The following HIVEP2 variants were observed in gnomAD, a reference collection of about 807,000 sequenced individuals.
HIVEP2 encodes the protein transcription factor HIVEP2.
A neutral mutation model predicts 180.7 loss-of-function variants in HIVEP2; 14 were observed. The ratio of observed to expected loss-of-function variants is 0.08; its 90% CI spans 0.05 to 0.12. The LOEUF (loss-of-function observed/expected upper bound fraction) is 0.12. Ranked by LOEUF, HIVEP2 falls within the 10% of genes least tolerant of loss-of-function variation. The pLI is 1.00. For synonymous variants in HIVEP2, 1,184 were observed against 1,136.4 expected (o/e 1.04, Z -0.84); for missense variants, 2,579 against 3,008.5 (o/e 0.86, Z 3.34).
Position 142,771,181 on chromosome 6 carries a change from C to T in HIVEP2, c.3558G>A (p.Gln1186=), listed in dbSNP as rs1329878050. ...SYMTSKHLPE[Q]PHLFPHQETI... Reference sequence around the variant, plus strand: ...TCTCTTGATGTGGAAATAAGTGTGGCTGTTCAGGTAAGTGCTTGCTTGTCA... The same window carrying T: ...TCTCTTGATGTGGAAATAAGTGTGGTTGTTCAGGTAAGTGCTTGCTTGTCA... Residue 1186 remains glutamine, a synonymous_variant, in exon 5 of 10, where the codon CAG becomes CAA. Transcript: ENST00000367603. The surrounding 1 kb of genome is among the most constrained non-coding windows in gnomAD (Gnocchi z 5.4). 1 of 1,614,230 alleles carries T rather than the reference C, an allele frequency of 6.2e-7. No individual in the cohort carries two copies. The highest frequency in any genetic ancestry group is 1.6e-4 in the Middle Eastern group (1 of 6,062).
chr6:142,792,601 C>T (rs1331718794), intron 2 of HIVEP2, among the ~76,000 whole-genome samples: 1 of 152,086 alleles, frequency 6.6e-6, no homozygotes, highest in Admixed American at 6.6e-5. Context: ...AGGACAAATA[C>T]CTAAGCATGC....
rs550674904 is a variant in HIVEP2, at chr6:142,888,430, GA to G, written c.-640-51384del. 1.8e-3 allele frequency among the ~76,000 whole-genome samples: 271 copies of G among 152,178 alleles called. 1 individual carries two copies. Among genetic ancestry groups the G allele is most frequent in the Non-Finnish European group, 2.8e-3 (191 of 68,002 alleles). On this transcript the variant is annotated intron_variant, in intron 1 of 9. Coordinates refer to ENST00000367603, the MANE Select transcript of HIVEP2 (RefSeq NM_006734.4). ...ATATCAGCCACAGTGTCCAGCCACA[GA>G]TTCTGCTTTATTTTTAATTAAAAAA...
In HIVEP2 at chr6:142,760,600, C is replaced by T. The variant is rs762321587; in HGVS notation, c.5688G>A (p.Gln1896=). The T allele has an allele frequency of 1.2e-6, 2 of 1,613,664 alleles. No individual in the cohort carries two copies. Among genetic ancestry groups the T allele is most frequent in the Non-Finnish European group, 1.7e-6 (2 of 1,179,652 alleles). The change falls in exon 9 of 10, where the codon CAG becomes CAA. Residue 1896 remains glutamine (Q), a synonymous_variant. Coordinates refer to ENST00000367603, the MANE Select transcript of HIVEP2 (RefSeq NM_006734.4). ...HSMSSISTDH[Q]FSDAEESDGE... ...CATCTGATTCCTCAGCATCGGAGAA[C>T]TGATGATCAGTTGAAATGCTGGACA...
intron 1 of HIVEP2, among the ~76,000 whole-genome samples, chr6:142,889,160 A>T (rs1306190284): frequency 3.3e-5 from 5 of 152,194 alleles, no homozygotes; most frequent in Admixed American, 3.3e-4. Context: ...GAATGACAGG[A>T]CACTGCATTG....
At chr6:142,794,561 C>T (rs1362614684) in intron 2 of HIVEP2, among the ~76,000 whole-genome samples, 7 of 152,142 alleles carry the variant, frequency 4.6e-5, no homozygotes, top group Non-Finnish European at 8.8e-5. Flanking sequence ...ATTTTTGCTT[C>T]TCTAAGGAAC....
intron 1 of HIVEP2, among the ~76,000 whole-genome samples, chr6:142,879,498 G>T (rs1053087392): frequency 1.3e-5 from 2 of 152,098 alleles, no homozygotes; most frequent in African/African-American, 2.4e-5. Context: ...CACTAGCACT[G>T]CAAATTCAAC....
At chr6:142,875,461 T>C (rs531563427) in intron 1 of HIVEP2, among the ~76,000 whole-genome samples, 1 of 152,178 alleles carries the variant, frequency 6.6e-6, no homozygotes, top group South Asian at 2.1e-4. Flanking sequence ...GAGGGTATTA[T>C]ATAATTTATA....
intron 1 of HIVEP2, among the ~76,000 whole-genome samples, chr6:142,938,068 A>AAAG (rs1298397677): frequency 1.6e-4 from 25 of 152,342 alleles, no homozygotes; most frequent in Admixed American, 1.3e-3. Context: ...TTATAAACTG[A>AAAG]TAGAATATGA....
At chr6:142,876,927 T>C (rs1582933877) in intron 1 of HIVEP2, among the ~76,000 whole-genome samples, 2 of 152,192 alleles carry the variant, frequency 1.3e-5, no homozygotes, top group South Asian at 2.1e-4. Context: ...CATGGGCCTA[T>C]AGTCGCAGCT....
chr6:142,933,576 T>C (rs1777987524), intron 1 of HIVEP2, among the ~76,000 whole-genome samples: 1 of 152,238 alleles, frequency 6.6e-6, no homozygotes, highest in Admixed American at 6.5e-5. Context: ...TTTGTGAAGA[T>C]GTAAAATTTT....
chr6:142,760,705 C>G, intron 8 of HIVEP2, 38 bp from the exon 9 acceptor site: 1 of 1,470,564 alleles, frequency 6.8e-7, no homozygotes. Context: ...GATCAAGATC[C>G]AAATATCAAG....
At chr6:142,857,110 T>C (rs1371008641) in intron 1 of HIVEP2, among the ~76,000 whole-genome samples, 1 of 152,102 alleles carries the variant, frequency 6.6e-6, no homozygotes, top group Admixed American at 6.5e-5. Context: ...GTAACCCCAA[T>C]TTTAAAATCA....
At position 142,879,310 on chromosome 6, in the gene HIVEP2, A is replaced by G. The variant is rs573383299; in HGVS notation, c.-640-42263T>C. Among the ~76,000 whole-genome samples, 194 of 152,298 alleles carry G rather than the reference A, an allele frequency of 1.3e-3. 1 individual carries two copies. The highest frequency in any genetic ancestry group is 4.5e-3 in the African/African-American group (189 of 41,570). ...AGCACCAGCTAAGAGGCTGTAGTAG[A>G]CCAGGCATGATGAAGTAGAATCTTT... is the stretch of plus-strand genomic sequence containing the variant. On this transcript the variant is annotated intron_variant, in intron 1 of 9. Coordinates refer to ENST00000367603, the MANE Select transcript of HIVEP2 (RefSeq NM_006734.4).
chr6:142,785,823 C>G (rs569233658), intron 2 of HIVEP2, among the ~76,000 whole-genome samples: 1 of 152,264 alleles, frequency 6.6e-6, no homozygotes, highest in South Asian at 2.1e-4. Flanking sequence ...TCACTCATGA[C>G]CTTTTAAATG....
chr6:142,923,110 G>A (rs1218294123), intron 1 of HIVEP2, among the ~76,000 whole-genome samples: 1 of 152,134 alleles, frequency 6.6e-6, no homozygotes, highest in Non-Finnish European at 1.5e-5. Flanking sequence ...CAAGGCGGGT[G>A]GATCACGAGG....
At chr6:142,801,191 C>T (rs1554211699) in intron 2 of HIVEP2, among the ~76,000 whole-genome samples, 1 of 86,982 alleles carries the variant, frequency 1.1e-5, no homozygotes, top group Admixed American at 1.3e-4. Context: ...TGGCCAGTGT[C>T]AAAAAAAAAA....
At chr6:142,930,900 C>T (rs1486108589) in intron 1 of HIVEP2, among the ~76,000 whole-genome samples, 1 of 152,136 alleles carries the variant, frequency 6.6e-6, no homozygotes, top group Non-Finnish European at 1.5e-5. Flanking sequence ...CTGTACTTCT[C>T]CAGAACCAAA....
intron 2 of HIVEP2, among the ~76,000 whole-genome samples, chr6:142,799,863 A>T (rs1776364424): frequency 6.6e-6 from 1 of 152,130 alleles, no homozygotes; most frequent in South Asian, 2.1e-4. Flanking sequence ...CATGACAGGA[A>T]CCCAGCATCG....
chr6:142,816,596 G>A (rs532244158), intron 2 of HIVEP2, among the ~76,000 whole-genome samples: 5 of 152,236 alleles, frequency 3.3e-5, no homozygotes, highest in Admixed American at 6.5e-5. Flanking sequence ...GGCATTTCTC[G>A]TTCTTCACTC....
Sources: gnomAD v4.1 joint callset for allele counts (sites outside exome capture counted in the v4.1 genomes callset) on GRCh38, gnomAD v4.1.1 for gene constraint, Gnocchi (gnomAD v3.1) non-coding constraint, MANE v1.5 for transcripts, NCBI Gene and HGNC (gene_info 2026-07-23, HGNC 2026-07-21) for gene names.